PDE8B: variants seen among roughly 807,000 people sequenced by gnomAD.
PDE8B encodes phosphodiesterase 8B, also known as high affinity cAMP-specific and IBMX-insensitive 3',5'-cyclic phosphodiesterase 8B.
Under a neutral mutation model 101.3 loss-of-function variants are expected in PDE8B, and 26 were observed. The observed-to-expected ratio is 0.26, with a 90% CI of 0.19 to 0.36. PDE8B has a LOEUF of 0.36. Among genes scored for constraint, PDE8B ranks in the 10% least tolerant of loss-of-function variants. The pLI is 1.00. For synonymous variants in PDE8B, 424 were observed against 429.3 expected (o/e 0.99, Z 0.15); for missense variants, 810 against 1,163.1 (o/e 0.70, Z 4.42).
At chr5:77,300,603 G>A (rs991893994) in intron 1 of PDE8B, among the ~76,000 whole-genome samples, 3 of 152,176 alleles carry the variant, frequency 2.0e-5, no homozygotes, top group African/African-American at 4.8e-5. Context: ...GTGTTGCCTC[G>A]TTGGCTTTTG....
At chr5:77,106,128 T>C in the PDE8B span, 1 of 152,228 alleles carries the variant, frequency 6.6e-6, no homozygotes, top group Non-Finnish European at 1.5e-5. Context: ...TTCTCTTTCA[T>C]CTTCCTAATG....
chr5:77,305,796 C>T (rs1377842851), intron 1 of PDE8B, among the ~76,000 whole-genome samples: 1 of 152,168 alleles, frequency 6.6e-6, no homozygotes, highest in Non-Finnish European at 1.5e-5. Flanking sequence ...GGGCAGCAGA[C>T]AGAGTTGATG....
chr5:77,356,535 T>G (rs1782139243), intron 10 of PDE8B, among the ~76,000 whole-genome samples: 1 of 152,180 alleles, frequency 6.6e-6, no homozygotes. Context: ...GTTCAAGTGA[T>G]TCTCCTGCCT....
chr5:77,355,496 C>A (rs1248203869), intron 10 of PDE8B, among the ~76,000 whole-genome samples: 1 of 152,150 alleles, frequency 6.6e-6, no homozygotes, highest in East Asian at 1.9e-4. Flanking sequence ...ATGTCAAAAT[C>A]GGCCCATGGG....
the PDE8B span, chr5:77,147,514 T>C: frequency 6.6e-6 from 1 of 152,482 alleles, no homozygotes; most frequent in African/African-American, 2.4e-5. Context: ...AAATAATTGT[T>C]GTTTTGTTAA....
chr5:77,210,562 G>C (rs1748028839), upstream of PDE8B: 4 of 939,718 alleles, frequency 4.3e-6, no homozygotes, highest in South Asian at 1.4e-4. This position sits in a 1 kb window ranked among gnomAD's most constrained non-coding sequence, Gnocchi z 4.9. Context: ...GCCCGGCGAG[G>C]TCGAGCTGGG....
At chr5:77,141,393 CA>C in the PDE8B span, 492 of 152,326 alleles carry the variant, frequency 3.2e-3, 3 homozygotes, top group African/African-American at 0.011. Flanking sequence ...TAAACAGCAA[CA>C]GATAGAGTTG....
At chr5:77,129,591 A>G in the PDE8B span, among the ~76,000 whole-genome samples, 1 of 152,316 alleles carries the variant, frequency 6.6e-6, no homozygotes, top group Middle Eastern at 3.4e-3. Flanking sequence ...GGCAAGATCT[A>G]GCTGTGCCCA....
At chr5:77,186,164 G>A in the PDE8B span, among the ~76,000 whole-genome samples, 1 of 152,190 alleles carries the variant, frequency 6.6e-6, no homozygotes, top group Non-Finnish European at 1.5e-5. Context: ...ACAACCCAGA[G>A]GCTCTGCCAC....
chr5:77,309,941 A>ACGTT (rs772985826), intron 1 of PDE8B, among the ~76,000 whole-genome samples: 5 of 83,116 alleles, frequency 6.0e-5, no homozygotes, highest in Admixed American at 1.6e-4. Flanking sequence ...TTAATCATTA[A>ACGTT]TCTTTTTTTT....
At chr5:77,366,833 C>T (rs1052967166) in intron 10 of PDE8B, among the ~76,000 whole-genome samples, 1 of 152,166 alleles carries the variant, frequency 6.6e-6, no homozygotes, top group Non-Finnish European at 1.5e-5. Context: ...ACCAAAGGTT[C>T]TAGGGGCTTC....
In PDE8B at chr5:77,418,315, C is replaced by T; in HGVS notation, c.1998C>T (p.Phe666=). Reference sequence around the variant, plus strand: ...ATCACCCGGGAAGGACCAACTCTTTCCTCTGCAATGCAGGCAGTGAGCTTG... The same window carrying T: ...ATCACCCGGGAAGGACCAACTCTTTTCTCTGCAATGCAGGCAGTGAGCTTG... ...DVDHPGRTNS[F]LCNAGSELAV... Residue 666 remains phenylalanine, a synonymous_variant, in exon 18 of 22, where the codon TTC becomes TTT. Coordinates refer to ENST00000264917, the MANE Select transcript of PDE8B (RefSeq NM_003719.5). The T allele has an allele frequency of 3.1e-6, 5 of 1,613,844 alleles. No homozygotes were observed. Among genetic ancestry groups the T allele is most frequent in the Non-Finnish European group, 4.2e-6 (5 of 1,179,708 alleles).
At chr5:77,342,675 T>C (rs781200974) in intron 6 of PDE8B, among the ~76,000 whole-genome samples, 1 of 152,220 alleles carries the variant, frequency 6.6e-6, no homozygotes. Flanking sequence ...TAGCTTACTG[T>C]ATTTGGAGTT....
chr5:77,414,498 G>A (rs1368178759), intron 17 of PDE8B, among the ~76,000 whole-genome samples: 2 of 152,000 alleles, frequency 1.3e-5, no homozygotes, highest in African/African-American at 4.8e-5. Flanking sequence ...TCAGCTCACT[G>A]CAAACTCCAC....
chr5:77,309,205 AAAGG>A (rs1210291190), intron 1 of PDE8B, among the ~76,000 whole-genome samples: 8 of 131,048 alleles, frequency 6.1e-5, no homozygotes, highest in Admixed American at 3.9e-4. Flanking sequence ...AAAAAGAAAG[AAAGG>A]AAGGAAGGGA....
intron 7 of PDE8B, 141 bp downstream of exon 7, chr5:77,345,072 G>A: frequency 4.2e-6 from 3 of 709,844 alleles, no homozygotes; most frequent in Non-Finnish European, 7.8e-6. Context: ...GCTGTGCAAA[G>A]AATACTGATA....
At chr5:77,125,144 C>A in the PDE8B span, among the ~76,000 whole-genome samples, 1 of 152,110 alleles carries the variant, frequency 6.6e-6, no homozygotes, top group South Asian at 2.1e-4. Context: ...AGGCATGCAC[C>A]GCCATGCCAG....
chr5:77,150,789 C>A, the PDE8B span, among the ~76,000 whole-genome samples: 1 of 152,168 alleles, frequency 6.6e-6, no homozygotes, highest in Non-Finnish European at 1.5e-5. Flanking sequence ...ATCCTTACAG[C>A]AACCCAGAGG....
Position 77,407,426 on chromosome 5 carries a change from A to G in PDE8B, c.1334A>G (p.His445Arg). The change falls in exon 13 of 22, where the codon CAC becomes CGC. Residue 445 changes from histidine to arginine, a missense_variant. Around this residue, in one of 4 missense-constraint regions of PDE8B, gnomAD observed 325 missense variants for 560.9 expected, o/e 0.58. Transcript: ENST00000264917. ...NRRYPSMARI[H>R]SMTIEAPITK... Reference sequence around the variant, plus strand: ...CGCTATCCGTCCATGGCGAGGATCCACTCCATGACCATCGAGGCTCCCATC... The same window carrying G: ...CGCTATCCGTCCATGGCGAGGATCCGCTCCATGACCATCGAGGCTCCCATC... The G allele has an allele frequency of 1.2e-6, 2 of 1,613,872 alleles. No individual in the cohort carries two copies. The highest frequency in any genetic ancestry group is 1.7e-5 in the Admixed American group (1 of 60,018).
Sources: allele counts gnomAD v4.1 joint callset (sites outside exome capture counted in the v4.1 genomes callset), GRCh38; gene constraint gnomAD v4.1.1; regional missense constraint gnomAD v4.1.1; non-coding constraint Gnocchi (gnomAD v3.1); transcripts MANE v1.5; gene names NCBI Gene and HGNC (gene_info 2026-07-23, HGNC 2026-07-21).